The following TSHZ2 variants were observed in gnomAD, a reference collection of about 807,000 sequenced individuals.
TSHZ2 encodes the protein teashirt zinc finger homeobox 2.
A neutral mutation model predicts 74.4 loss-of-function variants in TSHZ2; 21 were observed. That is an observed-to-expected ratio of 0.28 (90% CI 0.20 to 0.41). The LOEUF (loss-of-function observed/expected upper bound fraction) is 0.41. TSHZ2 is among the 10% of genes least tolerant of loss of function. The pLI is 1.00. For missense variants in TSHZ2, 1,244 were observed against 1,293.5 expected (o/e 0.96, Z 0.59); for synonymous variants, 540 against 515.3 (o/e 1.05, Z -0.65).
intron 2 of TSHZ2, among the ~76,000 whole-genome samples, chr20:53,383,020 G>C (rs927824694): frequency 6.6e-6 from 1 of 152,180 alleles, no homozygotes; most frequent in South Asian, 2.1e-4. Context: ...TAACACTTTG[G>C]GAGGCCAGGG....
chr20:53,276,553 C>A (rs1428272922), intron 2 of TSHZ2, among the ~76,000 whole-genome samples: 2 of 152,158 alleles, frequency 1.3e-5, no homozygotes, highest in Non-Finnish European at 2.9e-5. Context: ...ACAGTTTCTT[C>A]ATCTATAAGA....
intron 2 of TSHZ2, chr20:53,399,617 A>G (rs1250206999): frequency 6.6e-6 from 1 of 152,158 alleles, no homozygotes; most frequent in Non-Finnish European, 1.5e-5. Flanking sequence ...CAGAGGTACT[A>G]GTGTGGCCCC....
rs189410373 is a variant in TSHZ2 at position 53,140,048 on chromosome 20, C to T, written c.41-113451C>T. 1.9e-3 allele frequency among the ~76,000 whole-genome samples: 286 copies of T among 152,148 alleles called. 3 individuals are homozygous for T. The highest frequency in any genetic ancestry group is 6.7e-3 in the African/African-American group (278 of 41,496). ...TCGACAAATATTTACTGAGCACCTACGCTATGCAAAGGTACTGTTCTAGGC... is the reference window on the plus strand; with the variant it reads ...TCGACAAATATTTACTGAGCACCTATGCTATGCAAAGGTACTGTTCTAGGC... On this transcript the variant is annotated intron_variant, in intron 1 of 2. Transcript: ENST00000371497.
chr20:52,985,813 C>A (rs962787752), intron 1 of TSHZ2, among the ~76,000 whole-genome samples: 1 of 152,168 alleles, frequency 6.6e-6, no homozygotes, highest in African/African-American at 2.4e-5. Context: ...CTGACTCAAA[C>A]CATCGTCTCC....
chr20:53,070,920 T>A (rs1256509540), intron 1 of TSHZ2, among the ~76,000 whole-genome samples: 1 of 152,200 alleles, frequency 6.6e-6, no homozygotes, highest in Non-Finnish European at 1.5e-5. Context: ...CTTAAATTAC[T>A]GGTAGTCTGA....
In TSHZ2 at chr20:53,060,457, AG is replaced by A. The variant is rs1984783476; in HGVS notation, c.40+87125del. 3.9e-5 allele frequency among the ~76,000 whole-genome samples: 6 copies of A among 152,328 alleles called. No homozygotes were observed. The South Asian group carries it at 1.2e-3, about 32-fold the overall frequency. ...CCAAAGTTATTTCCTTAAAAAGTTG[AG>A]TCTTCCCAATTTCCCTGCCTCCCTA... On this transcript the variant is annotated intron_variant, in intron 1 of 2. Transcript: ENST00000371497.
chr20:53,258,216 A>G (rs982541120), intron 2 of TSHZ2, among the ~76,000 whole-genome samples: 4 of 152,200 alleles, frequency 2.6e-5, no homozygotes, highest in African/African-American at 9.7e-5. Context: ...TCCAAGCATG[A>G]TTTGTTCAGC....
intron 1 of TSHZ2, among the ~76,000 whole-genome samples, chr20:53,211,166 G>A (rs1437552659): frequency 6.6e-6 from 1 of 152,152 alleles, no homozygotes. Context: ...AACCCTGTGA[G>A]GTAGGGATTA....
intron 1 of TSHZ2, among the ~76,000 whole-genome samples, chr20:53,173,111 A>G (rs1054344916): frequency 6.6e-6 from 1 of 152,224 alleles, no homozygotes; most frequent in Non-Finnish European, 1.5e-5. Flanking sequence ...TGTAGCTGCT[A>G]CTATTAAATA....
At chr20:53,261,197 G>A (rs1600774753) in intron 2 of TSHZ2, among the ~76,000 whole-genome samples, 1 of 152,174 alleles carries the variant, frequency 6.6e-6, no homozygotes, top group East Asian at 1.9e-4. Flanking sequence ...CAGAGAGAAA[G>A]CTGTAAAATG....
intron 1 of TSHZ2, among the ~76,000 whole-genome samples, chr20:53,239,669 A>G (rs551644115): frequency 3.3e-5 from 5 of 152,306 alleles, no homozygotes; most frequent in African/African-American, 1.2e-4. Flanking sequence ...AGCAATCCCA[A>G]ATTTTACAGT....
intron 1 of TSHZ2, among the ~76,000 whole-genome samples, chr20:53,189,914 T>A (rs1276396533): frequency 6.6e-6 from 1 of 150,742 alleles, no homozygotes; most frequent in Non-Finnish European, 1.5e-5. Context: ...TGAAACCTCA[T>A]GTCTACGAAA....
intron 2 of TSHZ2, among the ~76,000 whole-genome samples, chr20:53,366,627 A>G (rs74636884): frequency 0.016 from 2,416 of 152,286 alleles, 66 homozygotes; most frequent in African/African-American, 0.05. Flanking sequence ...TGCTGTAGAC[A>G]TTAAATGAGA....
chr20:53,367,103 A>G (rs1981289950), intron 2 of TSHZ2, among the ~76,000 whole-genome samples: 1 of 152,136 alleles, frequency 6.6e-6, no homozygotes, highest in African/African-American at 2.4e-5. Context: ...CTCTGCAAGA[A>G]CTTTATTCTC....
chr20:53,086,812 C>G (rs757073299), intron 1 of TSHZ2, among the ~76,000 whole-genome samples: 15 of 152,208 alleles, frequency 9.9e-5, no homozygotes, highest in Non-Finnish European at 2.2e-4. Context: ...GCCAGTTCTC[C>G]TTCCAGGAGC....
Position 53,256,195 on chromosome 20 carries a change from A to C in TSHZ2, c.2737A>C (p.Thr913Pro). 1 of 1,612,956 alleles carries C rather than the reference A, an allele frequency of 6.2e-7. No homozygotes were observed. ...VKYQLRKTGG[T>P]KFLKNMDKGH... ...GTACCAGCTTAGGAAAACGGGCGGGACAAAATTTCTGAAAAACATGGACAA... is the reference window on the plus strand; with the variant it reads ...GTACCAGCTTAGGAAAACGGGCGGGCCAAAATTTCTGAAAAACATGGACAA... Residue 913 changes from threonine (T) to proline (P), a missense_variant, in exon 2 of 3, where the codon ACA becomes CCA. By Grantham distance (38) the Thr-to-Pro change is conservative (BLOSUM62 -1). Transcript: ENST00000371497. The surrounding 1 kb of genome is among the most constrained non-coding windows in gnomAD (Gnocchi z 4.3).
Position 53,409,642 on chromosome 20 carries a change from TTTCTTTCATGGAA to T in TSHZ2, c.*9-77491_*9-77479del, listed in dbSNP as rs1982975245. ...TATGTGACACTCTGTTCATATTGGC[TTTCTTTCATGGAA>T]TTCTTTCATGAAGATGAGATGAACG... On this transcript the variant is annotated intron_variant, in intron 2 of 2. Transcript: ENST00000371497. Among the ~76,000 whole-genome samples, 5 of 152,148 alleles carry T rather than the reference TTTCTTTCATGGAA, an allele frequency of 3.3e-5. No homozygotes were observed. The South Asian group carries it at 1.0e-3, about 32-fold the overall frequency.
In TSHZ2 at chr20:53,320,591, G is replaced by T. The variant is rs542011864; in HGVS notation, c.*8+64020G>T. Reference sequence around the variant, plus strand: ...CATCAAAATCCTTTCTAGAAGTGTTGCTGGTAGAAGGCTCAGAGCCCACGG... The same window carrying T: ...CATCAAAATCCTTTCTAGAAGTGTTTCTGGTAGAAGGCTCAGAGCCCACGG... On this transcript the variant is annotated intron_variant, in intron 2 of 2. Coordinates refer to ENST00000371497, the MANE Select transcript of TSHZ2 (RefSeq NM_173485.6). Among the ~76,000 whole-genome samples, 206 of 152,318 alleles carry T rather than the reference G, an allele frequency of 1.4e-3. 1 individual carries two copies. Among genetic ancestry groups the T allele is most frequent in the African/African-American group, 4.8e-3 (201 of 41,570 alleles).
chr20:53,024,304 G>A lies in TSHZ2; in HGVS notation c.40+50971G>A, dbSNP rs564585688. Among the ~76,000 whole-genome samples the A allele has an allele frequency of 5.6e-4, 84 of 151,260 alleles. 1 individual carries two copies. The highest frequency in any genetic ancestry group is 1.9e-3 in the African/African-American group (80 of 41,212). On this transcript the variant is annotated intron_variant, in intron 1 of 2. Transcript: ENST00000371497. The stretch of plus-strand genomic sequence containing the variant: ...AATCATATGTTCTGCTTTTAATCTG[G>A]CGTTTCCTGGTTTGTGTTTTAAGGG...
Sources: allele counts gnomAD v4.1 joint callset (sites outside exome capture counted in the v4.1 genomes callset), GRCh38; gene constraint gnomAD v4.1.1; non-coding constraint Gnocchi (gnomAD v3.1); transcripts MANE v1.5; gene names NCBI Gene and HGNC (gene_info 2026-07-23, HGNC 2026-07-21).